The following SPATA16 variants were observed in gnomAD, a reference collection of about 807,000 sequenced individuals.
SPATA16 encodes spermatogenesis associated 16.
A neutral mutation model predicts 63.3 loss-of-function variants in SPATA16; 36 were observed. That is an observed-to-expected ratio of 0.57 (90% CI 0.44 to 0.75). SPATA16 has a LOEUF of 0.75. Ranked by LOEUF, SPATA16 falls within the 30% of genes least tolerant of loss-of-function variation. The pLI, the probability that SPATA16 is intolerant of heterozygous loss-of-function variation, is 0.00. For synonymous variants in SPATA16, 203 were observed against 216.7 expected, an observed-to-expected ratio of 0.94 and a Z score of 0.56; for missense variants, 646 against 679.3, an observed-to-expected ratio of 0.95 and a Z score of 0.54.
At chr3:173,001,508 G>A (rs1420736803) in intron 4 of SPATA16, among the ~76,000 whole-genome samples, 8 of 152,020 alleles carry the variant, frequency 5.3e-5, no homozygotes, top group Admixed American at 3.9e-4. Context: ...GATCTTTACC[G>A]TAAGGACCTG....
chr3:173,131,290 A>G (rs1419579262), intron 1 of SPATA16, among the ~76,000 whole-genome samples: 1 of 152,250 alleles, frequency 6.6e-6, no homozygotes, highest in African/African-American at 2.4e-5. Flanking sequence ...GGGATGGAGT[A>G]GTAGATCAGA....
At chr3:172,995,073 T>C (rs1734665418) in intron 4 of SPATA16, among the ~76,000 whole-genome samples, 1 of 152,072 alleles carries the variant, frequency 6.6e-6, no homozygotes, top group Admixed American at 6.6e-5. Flanking sequence ...TATTGATTAC[T>C]TAAAGTCAGA....
intron 6 of SPATA16, among the ~76,000 whole-genome samples, chr3:172,945,914 T>TA (rs2109609766): frequency 6.6e-6 from 1 of 152,248 alleles, no homozygotes; most frequent in South Asian, 2.1e-4. Context: ...CTGGGGTGGC[T>TA]ATGGGAGTTC....
At position 172,976,981 on chromosome 3, in the gene SPATA16, T is replaced by C. The variant is rs758726855; in HGVS notation, c.920A>G (p.Lys307Arg). 1 of 1,612,486 alleles carries C rather than the reference T, an allele frequency of 6.2e-7. No homozygotes were observed. Among genetic ancestry groups the C allele is most frequent in the Non-Finnish European group, 8.5e-7 (1 of 1,179,394 alleles). ...GREESISKLI[K>R]LYWQAMIEEA... ...ATCAATTTTTACCTGCCAATACAGT[T>C]TGATGAGCTTGCTTATGCTCTCTTC... Residue 307 changes from lysine to arginine, a missense_variant, in exon 5 of 11, where the codon AAA becomes AGA. Lys to Arg is a conservative substitution (Grantham distance 26, BLOSUM62 2). Transcript: ENST00000351008.
chr3:173,102,556 T>A (rs1005716867), intron 2 of SPATA16, among the ~76,000 whole-genome samples: 4 of 152,066 alleles, frequency 2.6e-5, no homozygotes, highest in Non-Finnish European at 4.4e-5. Context: ...CACAAACTTT[T>A]AAACAACGAG....
At chr3:172,999,495 C>A (rs1239951920) in intron 4 of SPATA16, among the ~76,000 whole-genome samples, 1 of 152,022 alleles carries the variant, frequency 6.6e-6, no homozygotes, top group Non-Finnish European at 1.5e-5. Context: ...CTCATTGTAA[C>A]CTCTACCTCC....
At chr3:173,043,919 C>T (rs987275728) in intron 3 of SPATA16, among the ~76,000 whole-genome samples, 1 of 152,056 alleles carries the variant, frequency 6.6e-6, no homozygotes, top group African/African-American at 2.4e-5. Flanking sequence ...TTAAAGTTGT[C>T]GTTCCATTGT....
At chr3:173,012,810 C>A (rs1321593272) in intron 4 of SPATA16, among the ~76,000 whole-genome samples, 2 of 152,142 alleles carry the variant, frequency 1.3e-5, no homozygotes, top group Non-Finnish European at 1.5e-5. Context: ...TATAAAACCT[C>A]AAACTATAAA....
At chr3:172,971,962 C>T (rs553644862) in intron 5 of SPATA16, among the ~76,000 whole-genome samples, 17 of 152,210 alleles carry the variant, frequency 1.1e-4, no homozygotes, top group South Asian at 8.3e-4. Flanking sequence ...CATAGAAAGG[C>T]GTTAGGGGCC....
intron 3 of SPATA16, among the ~76,000 whole-genome samples, chr3:173,030,724 T>A (rs1008570024): frequency 3.3e-5 from 5 of 152,110 alleles, no homozygotes; most frequent in African/African-American, 1.2e-4. Context: ...ATTCCACTCC[T>A]GTGTATATAC....
intron 3 of SPATA16, among the ~76,000 whole-genome samples, chr3:173,041,788 A>T (rs1409493126): frequency 1.3e-5 from 2 of 151,792 alleles, no homozygotes; most frequent in East Asian, 3.9e-4. Context: ...GGGGAACATC[A>T]CACACCGGGG....
At chr3:173,057,685 G>T (rs1404777754) in intron 2 of SPATA16, among the ~76,000 whole-genome samples, 1 of 152,090 alleles carries the variant, frequency 6.6e-6, no homozygotes, top group Non-Finnish European at 1.5e-5. Flanking sequence ...GTTTAATCAC[G>T]CACCAGAGCC....
Position 172,976,998 on chromosome 3 carries a change from G to A in SPATA16, c.903C>T (p.Ser301=), listed in dbSNP as rs1734176055. The A allele has an allele frequency of 1.2e-6, 2 of 1,611,796 alleles. No individual in the cohort carries two copies. Among genetic ancestry groups the A allele is most frequent in the African/African-American group, 1.3e-5 (1 of 74,738 alleles). The part of the protein sequence containing the change: ...MFWLGGGREE[S]ISKLIKLYWQ... ...AATACAGTTTGATGAGCTTGCTTATGCTCTCTTCCCTTCCTCCACCAAGCC... is the reference window on the plus strand; with the variant it reads ...AATACAGTTTGATGAGCTTGCTTATACTCTCTTCCCTTCCTCCACCAAGCC... Residue 301 remains serine, a synonymous_variant, in exon 5 of 11, where the codon AGC becomes AGT. Coordinates refer to ENST00000351008, the MANE Select transcript of SPATA16 (RefSeq NM_031955.6).
At chr3:173,016,050 C>T (rs138204118) in intron 4 of SPATA16, among the ~76,000 whole-genome samples, 13 of 152,224 alleles carry the variant, frequency 8.5e-5, no homozygotes, top group African/African-American at 2.9e-4. Flanking sequence ...TTCTTGGTAA[C>T]GGGGGTTAGA....
intron 10 of SPATA16, among the ~76,000 whole-genome samples, chr3:172,900,901 A>C (rs935423747): frequency 1.3e-5 from 2 of 151,960 alleles, no homozygotes; most frequent in Non-Finnish European, 2.9e-5. Flanking sequence ...TCTTCCTCCC[A>C]AAGTGCTGGG....
At chr3:173,108,238 A>G (rs1380853925) in intron 2 of SPATA16, among the ~76,000 whole-genome samples, 1 of 152,076 alleles carries the variant, frequency 6.6e-6, no homozygotes, top group Non-Finnish European at 1.5e-5. Flanking sequence ...GTATCAATCT[A>G]TTTTTTAGTA....
At chr3:172,934,611 A>G (rs1176249943) in intron 6 of SPATA16, among the ~76,000 whole-genome samples, 2 of 152,122 alleles carry the variant, frequency 1.3e-5, no homozygotes, top group East Asian at 1.9e-4. Flanking sequence ...ATAACTTTTC[A>G]TGTAATAAGC....
chr3:172,935,770 A>T (rs1236522203), intron 6 of SPATA16, among the ~76,000 whole-genome samples: 2 of 152,122 alleles, frequency 1.3e-5, no homozygotes, highest in Admixed American at 1.3e-4. Context: ...TGGGGCCTAG[A>T]CTAGAATTTT....
chr3:173,059,766 T>C (rs1736330677), intron 2 of SPATA16, among the ~76,000 whole-genome samples: 1 of 151,710 alleles, frequency 6.6e-6, no homozygotes, highest in Non-Finnish European at 1.5e-5. Flanking sequence ...GGACATGTTA[T>C]GCATTTCTTT....
Sources: allele counts gnomAD v4.1 joint callset (sites outside exome capture counted in the v4.1 genomes callset), GRCh38; gene constraint gnomAD v4.1.1; transcripts MANE v1.5; gene names NCBI Gene and HGNC (gene_info 2026-07-23, HGNC 2026-07-21).